The following MAPK9 variants were observed in gnomAD, a reference collection of about 807,000 sequenced individuals.
MAPK9 encodes the protein Jun kinase.
Under a neutral mutation model 57.1 loss-of-function variants are expected in MAPK9, and 30 were observed. The observed-to-expected ratio is 0.53, with a 90% CI of 0.39 to 0.71. The LOEUF is 0.71. MAPK9 is among the 30% of genes least tolerant of loss of function. The pLI is 0.00. For missense variants in MAPK9, 362 were observed against 521.0 expected, an observed-to-expected ratio of 0.69 and a Z score of 2.97; for synonymous variants, 155 against 177.0, an observed-to-expected ratio of 0.88 and a Z score of 0.99.
chr5:180,256,543 G>C (rs969549064), intron 5 of MAPK9, among the ~76,000 whole-genome samples: 1 of 152,196 alleles, frequency 6.6e-6, no homozygotes, highest in East Asian at 1.9e-4. Context: ...CATGGATGTG[G>C]GAAGCAGCAG....
At chr5:180,242,791 C>T in intron 7 of MAPK9, 36 bp from the exon 8 acceptor site, 1 of 1,531,906 alleles carries the variant, frequency 6.5e-7, no homozygotes, top group Non-Finnish European at 9.0e-7. Flanking sequence ...AACTGAAGTA[C>T]CTTGTATTCA....
intron 1 of MAPK9, 139 bp downstream of exon 1, chr5:180,291,709 G>A (rs1001443195): frequency 9.3e-5 from 14 of 150,894 alleles, no homozygotes; most frequent in African/African-American, 3.4e-4. Flanking sequence ...CCCAGCACAG[G>A]GGCGACGGCT....
intron 2 of MAPK9, among the ~76,000 whole-genome samples, chr5:180,270,100 T>C (rs1761115081): frequency 6.6e-6 from 1 of 152,208 alleles, no homozygotes; most frequent in South Asian, 2.1e-4. Context: ...AAGAATCAAG[T>C]AGCCTGATTA....
chr5:180,281,254 T>C (rs749756253), intron 1 of MAPK9, among the ~76,000 whole-genome samples: 10 of 152,148 alleles, frequency 6.6e-5, no homozygotes, highest in African/African-American at 1.7e-4. Context: ...GACTTCAGGG[T>C]AGAGATCTGT....
At chr5:180,263,932 C>G (rs575552172) in intron 4 of MAPK9, among the ~76,000 whole-genome samples, 2 of 152,120 alleles carry the variant, frequency 1.3e-5, no homozygotes, top group Non-Finnish European at 2.9e-5. Flanking sequence ...GTCTCGATCT[C>G]CTGACCTCGT....
In MAPK9 at chr5:180,248,002, C is replaced by T. The variant is rs1378597068; in HGVS notation, c.617-492G>A. The T allele has an allele frequency of 4.3e-6, 6 of 1,403,694 alleles. No homozygotes were observed. The African/African-American group carries it at 7.1e-5, about 17-fold the overall frequency. 87.0% of individuals were successfully genotyped at this position (1,403,694 alleles called of 1,614,324 possible). Reference sequence around the variant, plus strand: ...CTTCAAACCCCCTCCCAGGACAAACCCGGTACACGTCACTAGCTTGCCGGC... The same window carrying T: ...CTTCAAACCCCCTCCCAGGACAAACTCGGTACACGTCACTAGCTTGCCGGC... On this transcript the variant is annotated intron_variant, in intron 6 of 11. Transcript: ENST00000452135.
chr5:180,235,059 C>T lies in MAPK9; in HGVS notation c.*1325G>A, dbSNP rs900048299. The T allele has an allele frequency of 1.3e-5, 2 of 152,236 alleles. No individual in the cohort carries two copies. Among genetic ancestry groups the T allele is most frequent in the African/African-American group, 2.4e-5 (1 of 41,454 alleles). The allele number at this position is 152,236 out of a possible 1,614,324, so 9.4% of individuals were successfully genotyped here. On this transcript the variant is annotated 3_prime_UTR_variant, in exon 12 of 12. Transcript: ENST00000452135. ...CGTTCCTGCAGTGACACTTAACATA[C>T]TCAGCATCTTCATGAATTCTGAATA...
chr5:180,284,692 AT>A lies in MAPK9; in HGVS notation c.-47-4085del, dbSNP rs151194534. ...AGTATCCAAACATATTTGTGCAAGCATGTTTGTAACACTTCTTGTAACAGGC... is the reference window on the plus strand; with the variant it reads ...AGTATCCAAACATATTTGTGCAAGCAGTTTGTAACACTTCTTGTAACAGGC... On this transcript the variant is annotated intron_variant, in intron 1 of 11. Coordinates refer to ENST00000452135, the MANE Select transcript of MAPK9 (RefSeq NM_002752.5). Among the ~76,000 whole-genome samples the A allele has an allele frequency of 8.9e-3, 1,351 of 152,374 alleles. 16 individuals are homozygous for A. Among genetic ancestry groups the A allele is most frequent in the African/African-American group, 0.031 (1,278 of 41,596 alleles).
chr5:180,272,888 A>G (rs1286239523), intron 2 of MAPK9, among the ~76,000 whole-genome samples: 1 of 152,204 alleles, frequency 6.6e-6, no homozygotes, highest in Non-Finnish European at 1.5e-5. Flanking sequence ...GTATTTCAGT[A>G]GATAATGTCA....
rs1188369461 is a variant in MAPK9 at position 180,241,076 on chromosome 5, A to G, written c.951T>C (p.Arg317=). 6.2e-7 allele frequency: 1 copy of G among 1,614,136 alleles called. No homozygotes were observed. Among genetic ancestry groups the G allele is most frequent in the Non-Finnish European group, 8.5e-7 (1 of 1,180,006 alleles). The change falls in exon 9 of 12, where the codon CGT becomes CGC. Residue 317 remains arginine (R), a synonymous_variant. Coordinates refer to ENST00000452135, the MANE Select transcript of MAPK9 (RefSeq NM_002752.5). ...CATACCAAACAGTGATGTATGGGTG[A>G]CGCAGAGCTTCGTCTACAGAGATCC... The part of the protein sequence containing the change: ...DKRISVDEAL[R]HPYITVWYDP...
chr5:180,251,539 G>A (rs1329282957), intron 5 of MAPK9, among the ~76,000 whole-genome samples: 1 of 152,300 alleles, frequency 6.6e-6, no homozygotes, highest in East Asian at 1.9e-4. Flanking sequence ...GCTCTGTGTG[G>A]CCAATGGGGA....
intron 4 of MAPK9, among the ~76,000 whole-genome samples, chr5:180,263,875 T>G (rs936158184): frequency 6.6e-6 from 1 of 151,928 alleles, no homozygotes; most frequent in African/African-American, 2.4e-5. Flanking sequence ...CCGGCTGATT[T>G]TTTGTATTTT....
chr5:180,251,080 T>C (rs1030731769), intron 5 of MAPK9, among the ~76,000 whole-genome samples: 1 of 152,044 alleles, frequency 6.6e-6, no homozygotes, highest in African/African-American at 2.4e-5. Flanking sequence ...AAACCCAAAA[T>C]GAATGCCCAT....
At position 180,247,220 on chromosome 5, in the gene MAPK9, A is replaced by G. The variant is rs1023828106; in HGVS notation, c.688+219T>C. On this transcript the variant is annotated intron_variant, in intron 7 of 11. Coordinates refer to ENST00000452135, the MANE Select transcript of MAPK9 (RefSeq NM_002752.5). The surrounding 1 kb of genome is among the most constrained non-coding windows in gnomAD (Gnocchi z 4.5). ...ATATAATCGGTTTAACTGAACTCTA[A>G]GTCTCAAAGTCATCACAGGTAGTCA... 1.7e-6 allele frequency: 1 copy of G among 580,372 alleles called. No individual in the cohort carries two copies. The allele number at this position is 580,372 out of a possible 1,614,324, so 36.0% of individuals were successfully genotyped here.
At chr5:180,277,890 G>C (rs919029021) in intron 2 of MAPK9, among the ~76,000 whole-genome samples, 1 of 152,064 alleles carries the variant, frequency 6.6e-6, no homozygotes, top group Admixed American at 6.5e-5. Context: ...AAAAGAGAAA[G>C]GTGAAAAGGA....
In MAPK9 at chr5:180,233,208, T is replaced by C. The variant is rs1344803744; in HGVS notation, c.*3176A>G. 1 of 152,188 alleles carries C rather than the reference T, an allele frequency of 6.6e-6. No homozygotes were observed. The highest frequency in any genetic ancestry group is 6.5e-5 in the Admixed American group (1 of 15,276). 9.4% of individuals were successfully genotyped at this position (152,188 alleles called of 1,614,324 possible). A position where few individuals can be genotyped will look rare whatever the true frequency, so the allele number is the denominator to read the frequency against. ...AAGTGCTTCAAACACAGACGTCAGA[T>C]GAACTTGGCTCATCCCAGGCACAAA... is the stretch of plus-strand genomic sequence containing the variant. On this transcript the variant is annotated 3_prime_UTR_variant, in exon 12 of 12. Transcript: ENST00000452135.
chr5:180,263,923 T>A (rs1318253749), intron 4 of MAPK9, among the ~76,000 whole-genome samples: 1 of 152,020 alleles, frequency 6.6e-6, no homozygotes, highest in African/African-American at 2.4e-5. Context: ...GCCAGGATGG[T>A]CTCGATCTCC....
chr5:180,248,241 C>T lies in MAPK9; in HGVS notation c.617-731G>A, dbSNP rs370068617. Among the ~76,000 whole-genome samples the T allele has an allele frequency of 2.6e-5, 4 of 152,170 alleles. No individual in the cohort carries two copies. In the South Asian group the frequency reaches 6.2e-4, roughly 24 times the overall value. On this transcript the variant is annotated intron_variant, in intron 6 of 11. Transcript: ENST00000452135. ...CAGAGGCCTCTAAGTGCCCTGCTGG[C>T]GGGCCGAGGGGAGAAGTGAACAGGG...
At chr5:180,251,081 G>A (rs549783437) in intron 5 of MAPK9, among the ~76,000 whole-genome samples, 1 of 152,258 alleles carries the variant, frequency 6.6e-6, no homozygotes, top group African/African-American at 2.4e-5. Flanking sequence ...AACCCAAAAT[G>A]AATGCCCATT....
Sources: allele counts gnomAD v4.1 joint callset (sites outside exome capture counted in the v4.1 genomes callset), GRCh38; gene constraint gnomAD v4.1.1; non-coding constraint Gnocchi (gnomAD v3.1); transcripts MANE v1.5; gene names NCBI Gene and HGNC (gene_info 2026-07-23, HGNC 2026-07-21).